The following FGF12 variants were observed in gnomAD, a reference collection of about 807,000 sequenced individuals.
FGF12 encodes fibroblast growth factor 12.
FGF12 carries 14 observed loss-of-function variants against 23.6 expected under a neutral mutation model. The observed-to-expected ratio is 0.59, with a 90% confidence interval of 0.39 to 0.93. FGF12 has a LOEUF of 0.93. FGF12 is among the 40% of genes least tolerant of loss of function. The pLI is 0.00. For missense variants in FGF12, 175 were observed against 217.8 expected (o/e 0.80, Z 1.24); for synonymous variants, 62 against 77.3 (o/e 0.80, Z 1.04).
intron 2 of FGF12, among the ~76,000 whole-genome samples, chr3:192,549,827 C>T (rs1364976653): frequency 6.6e-6 from 1 of 152,140 alleles, no homozygotes; most frequent in African/African-American, 2.4e-5. Context: ...TTTCTTGGGT[C>T]TTGAGCCTGC....
At chr3:192,345,403 A>AAAAAAT (rs1717905700) in intron 3 of FGF12, among the ~76,000 whole-genome samples, 2 of 109,242 alleles carry the variant, frequency 1.8e-5, no homozygotes, top group Non-Finnish European at 3.3e-5. Context: ...AAGATATAAC[A>AAAAAAT]TAGGCCGGGC....
intron 4 of FGF12, among the ~76,000 whole-genome samples, chr3:192,301,576 G>A (rs1051627434): frequency 5.3e-5 from 8 of 152,110 alleles, no homozygotes; most frequent in African/African-American, 1.7e-4. Context: ...TAAGCTCTAC[G>A]GAGGAAAAGA....
intron 2 of FGF12, among the ~76,000 whole-genome samples, chr3:192,405,897 T>G (rs1472981240): frequency 6.6e-6 from 1 of 152,210 alleles, no homozygotes; most frequent in Non-Finnish European, 1.5e-5. Flanking sequence ...TCTTCTAAGC[T>G]AAGCTTCAGA....
chr3:192,606,749 G>T (rs537400479), intron 2 of FGF12, among the ~76,000 whole-genome samples: 65 of 152,092 alleles, frequency 4.3e-4, no homozygotes, highest in Non-Finnish European at 8.2e-4. Flanking sequence ...TTTAAAAGCA[G>T]TGCAAGGATT....
Position 192,396,582 on chromosome 3 carries a change from G to A in FGF12, c.14-36044C>T, listed in dbSNP as rs146293160. 2.0e-3 allele frequency among the ~76,000 whole-genome samples: 303 copies of A among 152,270 alleles called. 1 individual carries two copies. Among genetic ancestry groups the A allele is most frequent in the Admixed American group, 3.2e-3 (49 of 15,292 alleles). On this transcript the variant is annotated intron_variant, in intron 2 of 5. Transcript: ENST00000445105. ...CTTATTTCTTTCTTCCATGAGGTGG[G>A]CAGGTGTATTGTAATGAGCTCTGTT... is the stretch of plus-strand genomic sequence containing the variant.
intron 4 of FGF12, among the ~76,000 whole-genome samples, chr3:192,305,666 G>A (rs969229796): frequency 1.4e-3 from 175 of 125,062 alleles, no homozygotes; most frequent in Middle Eastern, 4.5e-3. Context: ...GGTGGCTTAG[G>A]AAAAAAAAAA....
intron 2 of FGF12, among the ~76,000 whole-genome samples, chr3:192,399,777 T>G (rs747824542): frequency 2.0e-5 from 3 of 152,204 alleles, no homozygotes; most frequent in African/African-American, 4.8e-5. Context: ...TGCTAACATT[T>G]TGTGATTCAG....
intron 2 of FGF12, among the ~76,000 whole-genome samples, chr3:192,378,113 CTCTCTT>C (rs747717917): frequency 1.3e-4 from 12 of 93,088 alleles, no homozygotes; most frequent in Non-Finnish European, 2.3e-4. Flanking sequence ...TTCCTTCTTT[CTCTCTT>C]TGTTTTTTTT....
chr3:192,507,376 CACACAT>C (rs1255259985), intron 2 of FGF12, among the ~76,000 whole-genome samples: 9 of 138,308 alleles, frequency 6.5e-5, no homozygotes, highest in African/African-American at 1.6e-4. Flanking sequence ...CACACACACA[CACACAT>C]ACAAGCACAC....
intron 4 of FGF12, among the ~76,000 whole-genome samples, chr3:192,254,917 T>C (rs1274882579): frequency 6.6e-6 from 1 of 152,092 alleles, no homozygotes; most frequent in African/African-American, 2.4e-5. Context: ...TAACATTATA[T>C]AATTTTTGCT....
chr3:192,143,986 G>A lies in FGF12; in HGVS notation c.*23C>T. On this transcript the variant is annotated 3_prime_UTR_variant, in exon 6 of 6. Transcript: ENST00000445105. ...GAAGGGAAGGGGAAGGGATGAGAGA[G>A]GGAAGAAGGGGAGAGTTCTCAGCTA... 1.5e-6 allele frequency: 2 copies of A among 1,369,482 alleles called. No individual in the cohort carries two copies. Among genetic ancestry groups the A allele is most frequent in the Non-Finnish European group, 2.1e-6 (2 of 957,012 alleles). 84.8% of individuals were successfully genotyped at this position (1,369,482 alleles called of 1,614,324 possible). A position where few individuals can be genotyped will look rare whatever the true frequency, so the allele number is the denominator to read the frequency against.
At chr3:192,241,232 T>A (rs1719602731) in intron 4 of FGF12, among the ~76,000 whole-genome samples, 1 of 152,154 alleles carries the variant, frequency 6.6e-6, no homozygotes, top group Non-Finnish European at 1.5e-5. Flanking sequence ...AATCTATACA[T>A]TTGTTGAACA....
intron 4 of FGF12, among the ~76,000 whole-genome samples, chr3:192,294,643 C>T (rs1714933500): frequency 6.6e-6 from 1 of 152,180 alleles, no homozygotes; most frequent in South Asian, 2.1e-4. Flanking sequence ...AAAGGCATCA[C>T]AATTTGTCTT....
intron 2 of FGF12, among the ~76,000 whole-genome samples, chr3:192,534,546 C>T (rs910954019): frequency 2.0e-5 from 3 of 152,070 alleles, no homozygotes; most frequent in African/African-American, 7.2e-5. Flanking sequence ...TAGGTGCATG[C>T]CACCACACCT....
chr3:192,170,568 T>A lies in FGF12; in HGVS notation c.317A>T (p.Glu106Val). The A allele has an allele frequency of 6.2e-7, 1 of 1,614,020 alleles. No individual in the cohort carries two copies. Among genetic ancestry groups the A allele is most frequent in the Admixed American group, 1.7e-5 (1 of 59,996 alleles). The change falls in exon 5 of 6, where the codon GAA (glutamate) becomes GTA (valine). Residue 106 changes from glutamate (E) to valine (V), a missense_variant. Glu to Val is a moderately radical substitution (Grantham distance 121). Transcript: ENST00000445105. ...TCCCAGAAACCAAGCTCGGCCTGATTCTTGCTGGCGGTACAGTGTGGAAGA... is the reference window on the plus strand; with the variant it reads ...TCCCAGAAACCAAGCTCGGCCTGATACTTGCTGGCGGTACAGTGTGGAAGA... Reference protein sequence around the residue: ...IYSSTLYRQQESGRAWFLGLN... With the variant: ...IYSSTLYRQQVSGRAWFLGLN...
intron 2 of FGF12, among the ~76,000 whole-genome samples, chr3:192,486,378 T>G (rs1021293829): frequency 2.6e-5 from 4 of 151,886 alleles, no homozygotes; most frequent in African/African-American, 9.7e-5. Flanking sequence ...GGAGGACCAG[T>G]TGGTATTAAA....
intron 4 of FGF12, among the ~76,000 whole-genome samples, chr3:192,318,869 A>G (rs1365533596): frequency 6.6e-6 from 1 of 152,188 alleles, no homozygotes; most frequent in Non-Finnish European, 1.5e-5. Context: ...AAAACATACA[A>G]TGGAGCTCCC....
At chr3:192,406,275 G>A (rs917935078) in intron 2 of FGF12, among the ~76,000 whole-genome samples, 4 of 151,460 alleles carry the variant, frequency 2.6e-5, no homozygotes, top group Admixed American at 6.6e-5. Context: ...TATGTTACCC[G>A]TTCACATATA....
At chr3:192,188,810 C>A (rs1716626992) in intron 4 of FGF12, among the ~76,000 whole-genome samples, 1 of 152,200 alleles carries the variant, frequency 6.6e-6, no homozygotes, top group South Asian at 2.1e-4. Flanking sequence ...CCATGTGGTG[C>A]AATGTGCTTT....
Sources: allele counts gnomAD v4.1 joint callset (sites outside exome capture counted in the v4.1 genomes callset), GRCh38; gene constraint gnomAD v4.1.1; transcripts MANE v1.5; gene names NCBI Gene and HGNC (gene_info 2026-07-23, HGNC 2026-07-21).